The following SLCO1A2 variants were observed in gnomAD, a reference collection of about 807,000 sequenced individuals.
SLCO1A2 encodes OATP-1.
A neutral mutation model predicts 69.0 loss-of-function variants in SLCO1A2; 67 were observed. That is an observed-to-expected ratio of 0.97 (90% CI 0.80 to 1.19). The LOEUF (loss-of-function observed/expected upper bound fraction) is 1.19, where lower values mean the gene tolerates loss of function less well. SLCO1A2 is among the 50% of genes most tolerant of loss of function. The pLI is 0.00. For synonymous variants in SLCO1A2, 260 were observed against 265.9 expected (o/e 0.98, Z 0.22); for missense variants, 787 against 793.7 (o/e 0.99, Z 0.10).
At chr12:21,416,993 C>G (rs1271435691) in intron 1 of SLCO1A2, among the ~76,000 whole-genome samples, 2 of 152,072 alleles carry the variant, frequency 1.3e-5, no homozygotes, top group East Asian at 3.9e-4. Context: ...AGTATTTGAA[C>G]TCAGTGATTG....
At chr12:21,385,948 C>A (rs767517696) in intron 1 of SLCO1A2, among the ~76,000 whole-genome samples, 2 of 152,198 alleles carry the variant, frequency 1.3e-5, no homozygotes, top group Non-Finnish European at 2.9e-5. Context: ...GAACCAGAAC[C>A]AAGCCCTTGG....
At chr12:21,273,134 C>T (rs1330765727) in intron 14 of SLCO1A2, among the ~76,000 whole-genome samples, 1 of 152,142 alleles carries the variant, frequency 6.6e-6, no homozygotes, top group Non-Finnish European at 1.5e-5. Context: ...CCCAGGTAAA[C>T]ATTGTACACA....
intron 2 of SLCO1A2, among the ~76,000 whole-genome samples, chr12:21,360,897 C>T (rs910579122): frequency 3.3e-5 from 5 of 152,166 alleles, no homozygotes; most frequent in African/African-American, 9.7e-5. Flanking sequence ...GGAACTCGAA[C>T]TCGGTGGAGC....
In SLCO1A2 at chr12:21,300,339, T is replaced by C; in HGVS notation, c.910+9A>G. On this transcript the variant is annotated intron_variant, in intron 8 of 14. Coordinates refer to ENST00000683939, the MANE Select transcript of SLCO1A2 (RefSeq NM_001386879.1). Reference sequence around the variant, plus strand: ...TCAATTTCATAGTATTTAGAATATGTATATTTGCCTTTAGTGATTCCATAT... The same window carrying C: ...TCAATTTCATAGTATTTAGAATATGCATATTTGCCTTTAGTGATTCCATAT... The C allele has an allele frequency of 6.4e-7, 1 of 1,558,802 alleles. No individual in the cohort carries two copies. The highest frequency in any genetic ancestry group is 1.1e-5 in the South Asian group (1 of 89,160).
chr12:21,271,738 A>G (rs1409538246), intron 14 of SLCO1A2, among the ~76,000 whole-genome samples: 1 of 148,304 alleles, frequency 6.7e-6, no homozygotes, highest in Non-Finnish European at 1.5e-5. Context: ...TTGCATATGT[A>G]TATTTACATA....
chr12:21,283,228 C>A (rs949430957), intron 12 of SLCO1A2, among the ~76,000 whole-genome samples: 1 of 152,092 alleles, frequency 6.6e-6, no homozygotes, highest in Non-Finnish European at 1.5e-5. Flanking sequence ...GACACATAGA[C>A]CAATGGAGCA....
rs200461072 is a variant in SLCO1A2, at chr12:21,297,387, G to A, written c.1075+17C>T. The stretch of plus-strand genomic sequence containing the variant: ...GGGGGGAAAGTGTGCTAGTAAGGCA[G>A]AGAAAAACAAACATACCCATTAGAA... On this transcript the variant is annotated intron_variant, in intron 9 of 14. Coordinates refer to ENST00000683939, the MANE Select transcript of SLCO1A2 (RefSeq NM_001386879.1). 3 of 1,600,342 alleles carry A rather than the reference G, an allele frequency of 1.9e-6. No homozygotes were observed. Among genetic ancestry groups the A allele is most frequent in the Non-Finnish European group, 2.6e-6 (3 of 1,170,398 alleles).
chr12:21,404,656 T>C (rs905432631), intron 1 of SLCO1A2, among the ~76,000 whole-genome samples: 1 of 152,216 alleles, frequency 6.6e-6, no homozygotes, highest in Non-Finnish European at 1.5e-5. Context: ...TTTGGGTTGA[T>C]TCCATGTCTT....
intron 2 of SLCO1A2, among the ~76,000 whole-genome samples, chr12:21,340,429 T>C (rs1011107165): frequency 1.3e-5 from 2 of 152,036 alleles, no homozygotes; most frequent in Admixed American, 1.3e-4. Context: ...GTAAGGCATA[T>C]AAAAATGAAT....
chr12:21,313,982 T>TAAA (rs71043263), intron 4 of SLCO1A2, among the ~76,000 whole-genome samples: 11,490 of 136,328 alleles, frequency 0.084, 640 homozygotes, highest in Non-Finnish European at 0.12. Flanking sequence ...TAATAAATAA[T>TAAA]AAAAAAAAAA....
intron 5 of SLCO1A2, among the ~76,000 whole-genome samples, chr12:21,305,932 A>G (rs1949324016): frequency 6.6e-6 from 1 of 152,240 alleles, no homozygotes; most frequent in South Asian, 2.1e-4. Flanking sequence ...CTCCAGACCA[A>G]GTATAACCAG....
Position 21,297,392 on chromosome 12 carries a change from A to G in SLCO1A2, c.1075+12T>C. On this transcript the variant is annotated intron_variant, in intron 9 of 14. Transcript: ENST00000683939. Reference sequence around the variant, plus strand: ...GAAAGTGTGCTAGTAAGGCAGAGAAAAACAAACATACCCATTAGAAAGATT... The same window carrying G: ...GAAAGTGTGCTAGTAAGGCAGAGAAGAACAAACATACCCATTAGAAAGATT... The G allele has an allele frequency of 6.2e-7, 1 of 1,602,822 alleles. No individual in the cohort carries two copies. The highest frequency in any genetic ancestry group is 8.5e-7 in the Non-Finnish European group (1 of 1,172,170).
Position 21,274,508 on chromosome 12 carries a change from T to A in SLCO1A2, c.1754A>T (p.Glu585Val). The change falls in exon 14 of 15, where the codon GAG becomes GTG. Residue 585 changes from glutamate (E) to valine (V), a missense_variant. By Grantham distance (121) the Glu-to-Val change is moderately radical. Coordinates refer to ENST00000683939, the MANE Select transcript of SLCO1A2 (RefSeq NM_001386879.1). ...ATCATATATCCTGCATGCCCCTGACTCACCACATTTCAAAGTTCCCCAGTG... is the reference window on the plus strand; with the variant it reads ...ATCATATATCCTGCATGCCCCTGACACACCACATTTCAAAGTTCCCCAGTG... Reference protein sequence around the residue: ...CLHWGTLKCGESGACRIYDST... With the variant: ...CLHWGTLKCGVSGACRIYDST... 6.2e-7 allele frequency: 1 copy of A among 1,613,574 alleles called. No individual in the cohort carries two copies. The highest frequency in any genetic ancestry group is 8.5e-7 in the Non-Finnish European group (1 of 1,179,582).
chr12:21,274,975 G>C, intron 13 of SLCO1A2: 1 of 1,027,438 alleles, frequency 9.7e-7, no homozygotes, highest in East Asian at 8.7e-5. Flanking sequence ...TCAAGTAAAA[G>C]AGATTCTCTA....
At chr12:21,404,220 T>C (rs575799771) in intron 1 of SLCO1A2, among the ~76,000 whole-genome samples, 35 of 152,138 alleles carry the variant, frequency 2.3e-4, no homozygotes, top group African/African-American at 7.9e-4. Context: ...ATAAGATAGT[T>C]GGATTTATTT....
chr12:21,320,989 C>T lies in SLCO1A2; in HGVS notation c.61-2066G>A, dbSNP rs534180016. On this transcript the variant is annotated intron_variant, in intron 2 of 14. Transcript: ENST00000683939. ...TTAGAAGAATGGTCTAGACTCTAGACTGTTTAACCTTCCATCCACCCTATA... is the reference window on the plus strand; with the variant it reads ...TTAGAAGAATGGTCTAGACTCTAGATTGTTTAACCTTCCATCCACCCTATA... Among the ~76,000 whole-genome samples, 3 of 152,338 alleles carry T rather than the reference C, an allele frequency of 2.0e-5. No individual in the cohort carries two copies. The South Asian group carries it at 6.2e-4, about 32-fold the overall frequency.
chr12:21,415,607 A>G (rs950553099), intron 1 of SLCO1A2, among the ~76,000 whole-genome samples: 3 of 151,994 alleles, frequency 2.0e-5, no homozygotes, highest in Non-Finnish European at 4.4e-5. Flanking sequence ...TGCTTCATTT[A>G]TTGTGGACCC....
At chr12:21,304,921 A>G (rs1387277681) in intron 5 of SLCO1A2, among the ~76,000 whole-genome samples, 2 of 152,198 alleles carry the variant, frequency 1.3e-5, no homozygotes, top group Non-Finnish European at 2.9e-5. Flanking sequence ...AAAGAGATTC[A>G]GTTTCTCCAC....
chr12:21,401,674 T>A (rs189199404), intron 1 of SLCO1A2, among the ~76,000 whole-genome samples: 9 of 151,930 alleles, frequency 5.9e-5, no homozygotes, highest in Non-Finnish European at 1.2e-4. Flanking sequence ...TGACTTAAAA[T>A]TTTATATGGA....
Sources: gnomAD v4.1 joint callset for allele counts (sites outside exome capture counted in the v4.1 genomes callset) on GRCh38, gnomAD v4.1.1 for gene constraint, MANE v1.5 for transcripts, NCBI Gene and HGNC (gene_info 2026-07-23, HGNC 2026-07-21) for gene names.